RPL12: variants seen among roughly 807,000 people sequenced by gnomAD.
RPL12 encodes large ribosomal subunit protein uL11.
RPL12 carries 10 observed loss-of-function variants against 24.5 expected under a neutral mutation model. That is an observed-to-expected ratio of 0.41 (90% CI 0.25 to 0.69). The LOEUF is 0.69. Among genes scored for constraint, RPL12 ranks in the 30% least tolerant of loss-of-function variants. The pLI, the probability that RPL12 is intolerant of heterozygous loss-of-function variation, is 0.33. For missense variants in RPL12, 137 were observed against 205.3 expected, an observed-to-expected ratio of 0.67 and a Z score of 2.03; for synonymous variants, 74 against 76.1, an observed-to-expected ratio of 0.97 and a Z score of 0.14.
At chr9:127,448,785 C>A (rs1834218087) in intron 4 of RPL12, 2 of 405,562 alleles carry the variant, frequency 4.9e-6, no homozygotes, top group Non-Finnish European at 9.4e-6. Flanking sequence ...ACATCTTCCT[C>A]CCACATGCAC....
rs766537993 is a variant in RPL12 at position 127,448,429 on chromosome 9, G to A, written c.293-6C>T. The A allele has an allele frequency of 1.4e-5, 23 of 1,599,422 alleles. 1 individual carries two copies. The Middle Eastern group carries it at 6.6e-4, about 46-fold the overall frequency. Reference sequence around the variant, plus strand: ...GATATTCCCACTGTGTTTAACTGCAGAAGAGGAAACAGCAAAAGCTCTTTT... The same window carrying A: ...GATATTCCCACTGTGTTTAACTGCAAAAGAGGAAACAGCAAAAGCTCTTTT... On this transcript the variant is annotated splice_region_variant and splice_polypyrimidine_tract_variant and intron_variant, in intron 4 of 6. Coordinates refer to ENST00000361436, the MANE Select transcript of RPL12 (RefSeq NM_000976.4).
Position 127,451,388 on chromosome 9 carries a change from C to CG in RPL12, c.-72dup. On this transcript the variant is annotated 5_prime_UTR_variant, in exon 1 of 7. Coordinates refer to ENST00000361436, the MANE Select transcript of RPL12 (RefSeq NM_000976.4). ...AAGGAAGTTGCACCTTGGCCTCCTC[C>CG]GAGCCGAAAGCCGAGAGGCCGGAAA... The CG allele has an allele frequency of 2.5e-6, 4 of 1,590,450 alleles. No homozygotes were observed. The highest frequency in any genetic ancestry group is 2.6e-6 in the Non-Finnish European group (3 of 1,166,224).
rs759435807 is a variant in RPL12, at chr9:127,447,884, C to T, written c.485G>A (p.Cys162Tyr). ...IDDINSGAVE[C>Y]PAS The stretch of plus-strand genomic sequence containing the variant: ...AATGAAAATGTCACTTACGGCTGGG[C>T]ATTCCACAGCACCACTGTTGATGTC... The change falls in exon 6 of 7, where the codon TGC (cysteine) becomes TAC (tyrosine). Residue 162 changes from cysteine (C) to tyrosine (Y), a missense_variant. Cys to Tyr is a radical substitution (Grantham distance 194, BLOSUM62 -2). Around this residue, in one of 3 missense-constraint regions of RPL12, gnomAD observed 118 missense variants for 160.7 expected, o/e 0.73. Coordinates refer to ENST00000361436, the MANE Select transcript of RPL12 (RefSeq NM_000976.4). The T allele has an allele frequency of 4.2e-5, 68 of 1,611,952 alleles. No individual in the cohort carries two copies. The highest frequency in any genetic ancestry group is 5.3e-5 in the Non-Finnish European group (62 of 1,179,116).
chr9:127,448,432 G>A lies in RPL12; in HGVS notation c.293-9C>T, dbSNP rs754019463. ...ATTCCCACTGTGTTTAACTGCAGAAGAGGAAACAGCAAAAGCTCTTTTAAA... is the reference window on the plus strand; with the variant it reads ...ATTCCCACTGTGTTTAACTGCAGAAAAGGAAACAGCAAAAGCTCTTTTAAA... On this transcript the variant is annotated splice_polypyrimidine_tract_variant and intron_variant, in intron 4 of 6. Transcript: ENST00000361436. 1.9e-6 allele frequency: 3 copies of A among 1,587,998 alleles called. No homozygotes were observed. The highest frequency in any genetic ancestry group is 1.7e-5 in the Admixed American group (1 of 59,976).
intron 2 of RPL12, 100 bp from the exon 3 acceptor site, chr9:127,449,808 A>C (rs2131974176): frequency 1.0e-3 from 894 of 853,536 alleles, no homozygotes; most frequent in Non-Finnish European, 1.4e-3. Flanking sequence ...AAGCTATCTC[A>C]AGTACCTAAG....
chr9:127,451,110 C>T, intron 1 of RPL12, 171 bp downstream of exon 1: 11 of 870,814 alleles, frequency 1.3e-5, no homozygotes, highest in Non-Finnish European at 1.6e-5. Flanking sequence ...CCCACCTACA[C>T]GTGAAGAAGC....
At chr9:127,449,887 C>G (rs980838576) in intron 2 of RPL12, 179 bp from the exon 3 acceptor site, 9 of 608,020 alleles carry the variant, frequency 1.5e-5, no homozygotes, top group Non-Finnish European at 2.7e-5. Flanking sequence ...TTGTCCAGAA[C>G]TGTAAACTGC....
rs926528311 is a variant in RPL12 at position 127,447,839 on chromosome 9, C to G, written c.492+38G>C. On this transcript the variant is annotated intron_variant, in intron 6 of 6. Transcript: ENST00000361436. ...CTCTGTGAATACACTGGGTGGCCCC[C>G]CTTTCACCCCTACTGTAACAATGAA... 3.1e-6 allele frequency: 5 copies of G among 1,610,410 alleles called. No individual in the cohort carries two copies. In the African/African-American group the frequency reaches 4.0e-5, roughly 13 times the overall value.
At position 127,449,794 on chromosome 9, in the gene RPL12, A is replaced by G; in HGVS notation, c.112-86T>C. On this transcript the variant is annotated intron_variant, in intron 2 of 6. Transcript: ENST00000361436. ...GCCCACCACTTCTCACTTGGCAACAAAGGAAGCTATCTCAAGTACCTAAGG... is the reference window on the plus strand; with the variant it reads ...GCCCACCACTTCTCACTTGGCAACAGAGGAAGCTATCTCAAGTACCTAAGG... 4.7e-6 allele frequency: 5 copies of G among 1,055,840 alleles called. No homozygotes were observed. In the South Asian group the frequency reaches 6.4e-5, roughly 14 times the overall value. 65.4% of individuals were successfully genotyped at this position (1,055,840 alleles called of 1,614,324 possible). A position where few individuals can be genotyped will look rare whatever the true frequency, so the allele number is the denominator to read the frequency against.
chr9:127,450,337 T>C (rs1588084925), intron 2 of RPL12: 1 of 196,226 alleles, frequency 5.1e-6, no homozygotes, highest in Non-Finnish European at 1.0e-5. Context: ...TAGGTTTACA[T>C]CTACAACACA....
chr9:127,449,876 CT>C (rs1834244170), intron 2 of RPL12, 168 bp from the exon 3 acceptor site: 1 of 627,258 alleles, frequency 1.6e-6, no homozygotes, highest in Non-Finnish European at 2.9e-6. Context: ...GGTTGGGGTT[CT>C]TGTCCAGAAC....
intron 2 of RPL12, 173 bp downstream of exon 2, chr9:127,450,558 C>T (rs1011506131): frequency 1.8e-6 from 1 of 551,608 alleles, no homozygotes; most frequent in African/African-American, 2.0e-5. Context: ...GCACCAGGTT[C>T]GATTTTTCAC....
At position 127,450,720 on chromosome 9, in the gene RPL12, G is replaced by T; in HGVS notation, c.111+11C>A. The T allele has an allele frequency of 6.4e-7, 1 of 1,570,330 alleles. No individual in the cohort carries two copies. Among genetic ancestry groups the T allele is most frequent in the South Asian group, 1.2e-5 (1 of 86,442 alleles). On this transcript the variant is annotated intron_variant, in intron 2 of 6. Coordinates refer to ENST00000361436, the MANE Select transcript of RPL12 (RefSeq NM_000976.4). ...ATGTGAAAAAAATGCCCCTTGGAGGGGATAACGTACCAGACCCAGGGGGCC... is the reference window on the plus strand; with the variant it reads ...ATGTGAAAAAAATGCCCCTTGGAGGTGATAACGTACCAGACCCAGGGGGCC...
intron 5 of RPL12, 90 bp from the exon 6 acceptor site, chr9:127,448,079 G>C: frequency 7.0e-7 from 1 of 1,425,296 alleles, no homozygotes; most frequent in South Asian, 1.4e-5. Context: ...GTTCATAGCA[G>C]GCAATGGAAG....
Position 127,450,811 on chromosome 9 carries a change from G to C in RPL12, c.38-7C>G. On this transcript the variant is annotated splice_polypyrimidine_tract_variant and splice_region_variant and intron_variant, in intron 1 of 6. Transcript: ENST00000361436. ...CCGGTGCACCTCAGGTATACTGGGG[G>C]AAAAGAAGAGTTAGTGTCTGTGCAG... The C allele has an allele frequency of 6.4e-7, 1 of 1,557,164 alleles. No homozygotes were observed. Among genetic ancestry groups the C allele is most frequent in the Non-Finnish European group, 8.7e-7 (1 of 1,152,190 alleles).
At chr9:127,449,495 C>A (rs1220075519) in intron 3 of RPL12, 115 bp downstream of exon 3, 12 of 1,295,284 alleles carry the variant, frequency 9.3e-6, no homozygotes, top group Non-Finnish European at 1.2e-5. Context: ...GCCTCCCCAA[C>A]AAGGTGAAAT....
At position 127,449,370 on chromosome 9, in the gene RPL12, A is replaced by G. The variant is rs773584608; in HGVS notation, c.211-8T>C. 10 of 1,606,630 alleles carry G rather than the reference A, an allele frequency of 6.2e-6. No homozygotes were observed. The highest frequency in any genetic ancestry group is 8.5e-6 in the Non-Finnish European group (10 of 1,179,280). ...AGAAGGCACCACCTCAATCTGCAGA[A>G]GAGATTCCTGAGTGAATACTCCACC... On this transcript the variant is annotated splice_region_variant and splice_polypyrimidine_tract_variant and intron_variant, in intron 3 of 6. Transcript: ENST00000361436.
At chr9:127,448,520 GCA>G (rs750721979) in intron 4 of RPL12, 97 bp from the exon 5 acceptor site, 39 of 857,844 alleles carry the variant, frequency 4.5e-5, no homozygotes, top group Admixed American at 6.8e-5. Flanking sequence ...CATGCTTTCG[GCA>G]CAGAGTCATC....
intron 4 of RPL12, chr9:127,448,665 A>G (rs1401343292): frequency 1.4e-6 from 1 of 730,282 alleles, no homozygotes. Context: ...CACAAATCTG[A>G]CATGGCAGAA....
Sources: allele counts gnomAD v4.1 joint callset, GRCh38; gene constraint gnomAD v4.1.1; regional missense constraint gnomAD v4.1.1; transcripts MANE v1.5; gene names NCBI Gene and HGNC (gene_info 2026-07-23, HGNC 2026-07-21).